GAD2: variants seen among roughly 807,000 people sequenced by gnomAD.
GAD2 encodes 65 kDa glutamic acid decarboxylase.
Under a neutral mutation model 80.1 loss-of-function variants are expected in GAD2, and 22 were observed. That is an observed-to-expected ratio of 0.27 (90% CI 0.20 to 0.39). GAD2 has a LOEUF of 0.39. Ranked by LOEUF, GAD2 falls within the 10% of genes least tolerant of loss-of-function variation. The pLI, the probability that GAD2 is intolerant of heterozygous loss-of-function variation, is 1.00. For missense variants in GAD2, 624 were observed against 738.4 expected, an observed-to-expected ratio of 0.85 and a Z score of 1.80; for synonymous variants, 274 against 256.9, an observed-to-expected ratio of 1.07 and a Z score of -0.64.
At chr10:26,281,935 T>C (rs976970451) in intron 12 of GAD2, among the ~76,000 whole-genome samples, 9 of 152,282 alleles carry the variant, frequency 5.9e-5, no homozygotes, top group Admixed American at 5.9e-4. Flanking sequence ...TAAATGTTGA[T>C]CTTCATTTAC....
chr10:26,252,689 C>T (rs192062406), intron 8 of GAD2, among the ~76,000 whole-genome samples: 1 of 150,274 alleles, frequency 6.7e-6, no homozygotes, highest in African/African-American at 2.5e-5. Flanking sequence ...GAATCTTGCT[C>T]TTGTTGCCCA....
At chr10:26,263,531 G>C (rs977220953) in intron 8 of GAD2, among the ~76,000 whole-genome samples, 2 of 152,132 alleles carry the variant, frequency 1.3e-5, no homozygotes, top group Admixed American at 1.3e-4. Context: ...AATTTTTACT[G>C]CTCCTGTGCA....
chr10:26,228,003 C>A (rs932403985), intron 6 of GAD2, among the ~76,000 whole-genome samples: 1 of 152,240 alleles, frequency 6.6e-6, no homozygotes, highest in Non-Finnish European at 1.5e-5. Flanking sequence ...GCTCAAGAGA[C>A]AAAGGTCATA....
chr10:26,240,289 T>C (rs1221722683), intron 7 of GAD2, among the ~76,000 whole-genome samples: 1 of 152,226 alleles, frequency 6.6e-6, no homozygotes, highest in Non-Finnish European at 1.5e-5. Flanking sequence ...TCCAGCCTGA[T>C]ACGCTCCTTC....
chr10:26,225,675 G>T (rs534321338), intron 6 of GAD2, among the ~76,000 whole-genome samples: 1 of 152,274 alleles, frequency 6.6e-6, no homozygotes, highest in Admixed American at 6.5e-5. Context: ...ATAAGCAAGA[G>T]TGACCCCAAG....
intron 15 of GAD2, among the ~76,000 whole-genome samples, chr10:26,299,921 T>A (rs138652319): frequency 5.1e-4 from 78 of 152,236 alleles, no homozygotes; most frequent in African/African-American, 1.8e-3. Context: ...AGAACAAGTA[T>A]GACATAGTAA....
chr10:26,235,176 G>A (rs897933005), intron 7 of GAD2, among the ~76,000 whole-genome samples: 11 of 152,122 alleles, frequency 7.2e-5, no homozygotes, highest in African/African-American at 2.4e-4. Flanking sequence ...GCCCGGCCCC[G>A]TTAGTTATTC....
chr10:26,282,687 C>A (rs1845284621), intron 12 of GAD2, among the ~76,000 whole-genome samples: 1 of 152,170 alleles, frequency 6.6e-6, no homozygotes, highest in Non-Finnish European at 1.5e-5. Context: ...CCTTTGATCA[C>A]ATTCCTGATT....
At chr10:26,299,778 C>T (rs1046235429) in intron 15 of GAD2, among the ~76,000 whole-genome samples, 3 of 152,092 alleles carry the variant, frequency 2.0e-5, no homozygotes, top group African/African-American at 4.8e-5. Context: ...ATGTTTACAG[C>T]TTAAAGGAAG....
chr10:26,303,744 C>T lies in GAD2; in HGVS notation c.*2783C>T, dbSNP rs981403559. Reference sequence around the variant, plus strand: ...ATGGTATGGACTTCATATACTGCCACAGGATGTGAGGAAAGAAAAGGAAAT... The same window carrying T: ...ATGGTATGGACTTCATATACTGCCATAGGATGTGAGGAAAGAAAAGGAAAT... On this transcript the variant is annotated 3_prime_UTR_variant, in exon 16 of 16. Coordinates refer to ENST00000376261, the MANE Select transcript of GAD2 (RefSeq NM_001134366.2). 6.6e-6 allele frequency: 1 copy of T among 152,132 alleles called. No individual in the cohort carries two copies. The highest frequency in any genetic ancestry group is 6.5e-5 in the Admixed American group (1 of 15,270). 9.4% of individuals were successfully genotyped at this position (152,132 alleles called of 1,614,324 possible).
chr10:26,253,316 C>T (rs1017922354), intron 8 of GAD2, among the ~76,000 whole-genome samples: 58 of 152,142 alleles, frequency 3.8e-4, no homozygotes, highest in African/African-American at 1.3e-3. Flanking sequence ...TCCTTGTTAA[C>T]AAAAAGTTGA....
chr10:26,275,573 A>T (rs1372047135), intron 11 of GAD2, among the ~76,000 whole-genome samples: 1 of 152,230 alleles, frequency 6.6e-6, no homozygotes, highest in East Asian at 1.9e-4. Flanking sequence ...CTCTGAGCAG[A>T]ATCCCCTTTA....
intron 7 of GAD2, among the ~76,000 whole-genome samples, chr10:26,245,462 A>G (rs1324647066): frequency 6.7e-6 from 1 of 149,520 alleles, no homozygotes; most frequent in African/African-American, 2.5e-5. Context: ...TTTGAGACGG[A>G]GTTTCACTCT....
intron 9 of GAD2, 144 bp downstream of exon 9, chr10:26,269,317 T>C (rs1845107039): frequency 3.3e-6 from 2 of 604,460 alleles, no homozygotes; most frequent in East Asian, 2.9e-5. Flanking sequence ...CTGCATCCAG[T>C]CACTATTTAT....
In GAD2 at chr10:26,251,693, G is replaced by A. The variant is rs542858288; in HGVS notation, c.920+5693G>A. 2.3e-4 allele frequency among the ~76,000 whole-genome samples: 35 copies of A among 152,284 alleles called. No individual in the cohort carries two copies. In the South Asian group the frequency reaches 2.5e-3, roughly 11 times the overall value. ...TTGAAATGATATGAATGTTTTTAAG[G>A]AAATGGATGCATCAGATTAACCTTG... On this transcript the variant is annotated intron_variant, in intron 8 of 15. Coordinates refer to ENST00000376261, the MANE Select transcript of GAD2 (RefSeq NM_001134366.2).
In GAD2 at chr10:26,219,282, G is replaced by C. The variant is rs755499531; in HGVS notation, c.520+6G>C. ...AAAATATGCAATTAAAACAGGTATT[G>C]TCTCATCGAAAATAATAAAGCTCTT... On this transcript the variant is annotated splice_donor_region_variant and intron_variant, in intron 4 of 15. Coordinates refer to ENST00000376261, the MANE Select transcript of GAD2 (RefSeq NM_001134366.2). 6.7e-7 allele frequency: 1 copy of C among 1,486,070 alleles called. No homozygotes were observed. The highest frequency in any genetic ancestry group is 1.2e-5 in the South Asian group (1 of 80,504). 92.1% of individuals were successfully genotyped at this position (1,486,070 alleles called of 1,614,324 possible).
At chr10:26,283,568 C>G (rs1845297028) in intron 12 of GAD2, among the ~76,000 whole-genome samples, 1 of 152,158 alleles carries the variant, frequency 6.6e-6, no homozygotes, top group African/African-American at 2.4e-5. Context: ...AGTGGAATTT[C>G]AGCATGAGAA....
chr10:26,241,184 A>G (rs1844737804), intron 7 of GAD2, among the ~76,000 whole-genome samples: 1 of 152,216 alleles, frequency 6.6e-6, no homozygotes, highest in Non-Finnish European at 1.5e-5. Flanking sequence ...AATAAGCACT[A>G]GATTCTATTA....
chr10:26,284,239 G>T (rs1257127227), intron 12 of GAD2, among the ~76,000 whole-genome samples: 1 of 152,134 alleles, frequency 6.6e-6, no homozygotes, highest in Non-Finnish European at 1.5e-5. Context: ...GTTTTAAAAA[G>T]GCTGGGATAT....
Sources: allele counts gnomAD v4.1 joint callset (sites outside exome capture counted in the v4.1 genomes callset), GRCh38; gene constraint gnomAD v4.1.1; transcripts MANE v1.5; gene names NCBI Gene and HGNC (gene_info 2026-07-23, HGNC 2026-07-21).